Variants in PTPN4 observed in about 807,000 individuals in gnomAD.
PTPN4 encodes the protein tyrosine-protein phosphatase non-receptor type 4.
PTPN4 carries 49 observed loss-of-function variants against 135.5 expected under a neutral mutation model. That is an observed-to-expected ratio of 0.36 (90% CI 0.29 to 0.46). The LOEUF is 0.46. Ranked by LOEUF, PTPN4 falls within the 20% of genes least tolerant of loss-of-function variation. The pLI, the probability that PTPN4 is intolerant of heterozygous loss-of-function variation, is 1.00. For missense variants in PTPN4, 860 were observed against 1,101.0 expected, an observed-to-expected ratio of 0.78 and a Z score of 3.10; for synonymous variants, 333 against 369.9, an observed-to-expected ratio of 0.90 and a Z score of 1.14.
chr2:119,884,201 A>G (rs1678122042), intron 8 of PTPN4, among the ~76,000 whole-genome samples: 1 of 152,206 alleles, frequency 6.6e-6, no homozygotes, highest in East Asian at 1.9e-4. Flanking sequence ...CCCAGCCCCT[A>G]TTGCCTATTT....
intron 1 of PTPN4, among the ~76,000 whole-genome samples, chr2:119,764,559 G>A (rs1482212794): frequency 1.3e-5 from 2 of 151,834 alleles, no homozygotes; most frequent in African/African-American, 4.8e-5. Context: ...CCACTCACAA[G>A]GATCAGTTAA....
chr2:119,766,449 C>CGCTCGTGT (rs1209819421), intron 1 of PTPN4, among the ~76,000 whole-genome samples: 14 of 130,996 alleles, frequency 1.1e-4, no homozygotes, highest in African/African-American at 4.1e-4. Flanking sequence ...CATGTGCGCG[C>CGCTCGTGT]GTGTGTGTGT....
intron 8 of PTPN4, among the ~76,000 whole-genome samples, chr2:119,885,328 A>G (rs1050500872): frequency 7.2e-5 from 11 of 152,180 alleles, no homozygotes; most frequent in Non-Finnish European, 1.2e-4. Flanking sequence ...GCAGATTGCT[A>G]TACAAGCCTC....
At chr2:119,798,521 A>C (rs1463101283) in intron 1 of PTPN4, among the ~76,000 whole-genome samples, 1 of 152,190 alleles carries the variant, frequency 6.6e-6, no homozygotes, top group East Asian at 1.9e-4. Context: ...ATTTTATTTG[A>C]TCTTCTTTCC....
At chr2:119,918,768 C>A (rs145109147) in intron 11 of PTPN4, among the ~76,000 whole-genome samples, 152 of 152,266 alleles carry the variant, frequency 1.0e-3, no homozygotes, top group African/African-American at 3.4e-3. Context: ...TATGTGTACA[C>A]CAGAGAACAT....
intron 26 of PTPN4, among the ~76,000 whole-genome samples, chr2:119,969,324 T>G (rs1679492801): frequency 6.6e-6 from 1 of 152,098 alleles, no homozygotes; most frequent in Non-Finnish European, 1.5e-5. Context: ...GGTTTTTAAT[T>G]ACAGAAAATT....
intron 9 of PTPN4, among the ~76,000 whole-genome samples, chr2:119,899,537 T>A (rs926214916): frequency 6.6e-6 from 1 of 152,176 alleles, no homozygotes; most frequent in Non-Finnish European, 1.5e-5. Flanking sequence ...GTTCATATGT[T>A]ATAGATTGTT....
At chr2:119,851,643 G>A (rs891221847) in intron 2 of PTPN4, among the ~76,000 whole-genome samples, 1 of 152,164 alleles carries the variant, frequency 6.6e-6, no homozygotes, top group African/African-American at 2.4e-5. Context: ...GGAAAGCCAG[G>A]CTCTGCTATT....
At chr2:119,947,875 G>A (rs1679159607) in intron 18 of PTPN4, among the ~76,000 whole-genome samples, 1 of 151,818 alleles carries the variant, frequency 6.6e-6, no homozygotes, top group Non-Finnish European at 1.5e-5. Flanking sequence ...CATGTAGTAG[G>A]ATGTGACTAC....
Position 119,882,519 on chromosome 2 carries a change from C to T in PTPN4, c.483C>T (p.Tyr161=), listed in dbSNP as rs922508880. ...CATTATTAGCTGAACTTGGAGACTACGATCAGTCAGAGAACTTGTCAGGCT... is the reference window on the plus strand; with the variant it reads ...CATTATTAGCTGAACTTGGAGACTATGATCAGTCAGAGAACTTGTCAGGCT... ...SFAVQSELGD[Y]DQSENLSGYL... is the part of the protein sequence containing the mutation. The change falls in exon 8 of 27, where the codon TAC becomes TAT. Residue 161 remains tyrosine (Y), a synonymous_variant. Transcript: ENST00000263708. The T allele has an allele frequency of 1.7e-5, 26 of 1,533,062 alleles. No homozygotes were observed. Among genetic ancestry groups the T allele is most frequent in the African/African-American group, 4.1e-5 (3 of 72,362 alleles). 95.0% of individuals were successfully genotyped at this position (1,533,062 alleles called of 1,614,324 possible).
At chr2:119,767,157 G>A (rs1171222642) in intron 1 of PTPN4, among the ~76,000 whole-genome samples, 3 of 152,126 alleles carry the variant, frequency 2.0e-5, no homozygotes, top group Non-Finnish European at 2.9e-5. Context: ...GCTCAGTAAG[G>A]CCTTTTCCAG....
intron 12 of PTPN4, among the ~76,000 whole-genome samples, chr2:119,926,229 A>G (rs2105033034): frequency 6.6e-6 from 1 of 152,326 alleles, no homozygotes; most frequent in Non-Finnish European, 1.5e-5. Flanking sequence ...TGTACTTCAG[A>G]AGAAGATCAG....
At chr2:119,961,092 C>T in intron 23 of PTPN4, 139 bp downstream of exon 23, 1 of 1,033,628 alleles carries the variant, frequency 9.7e-7, no homozygotes, top group Non-Finnish European at 1.4e-6. Context: ...TTTAAATCAT[C>T]ATGTTTAAGT....
At chr2:119,942,953 C>A (rs1679080978) in intron 15 of PTPN4, among the ~76,000 whole-genome samples, 1 of 152,184 alleles carries the variant, frequency 6.6e-6, no homozygotes, top group South Asian at 2.1e-4. Flanking sequence ...AGGCAGACCT[C>A]AATGAAGCTT....
At chr2:119,955,350 G>A in intron 20 of PTPN4, 27 bp downstream of exon 20, 1 of 1,495,508 alleles carries the variant, frequency 6.7e-7, no homozygotes, top group Non-Finnish European at 8.9e-7. Context: ...TATATTAAAA[G>A]CATTTTGCTG....
chr2:119,765,186 CAG>C (rs1690590232), intron 1 of PTPN4, among the ~76,000 whole-genome samples: 1 of 152,132 alleles, frequency 6.6e-6, no homozygotes, highest in Non-Finnish European at 1.5e-5. Flanking sequence ...GATGATCAGT[CAG>C]TGATAGTTGG....
At chr2:119,933,948 CACAA>C (rs1429334030) in intron 14 of PTPN4, among the ~76,000 whole-genome samples, 1 of 152,142 alleles carries the variant, frequency 6.6e-6, no homozygotes, top group Non-Finnish European at 1.5e-5. Context: ...TTCCCTTTTG[CACAA>C]ACAGCCATTT....
At chr2:119,825,390 TG>T (rs1677131737) in intron 2 of PTPN4, among the ~76,000 whole-genome samples, 1 of 152,060 alleles carries the variant, frequency 6.6e-6, no homozygotes, top group South Asian at 2.1e-4. Context: ...AACAATGTGG[TG>T]GGGCAGTTAC....
chr2:119,892,751 T>G (rs1678260179), intron 9 of PTPN4, among the ~76,000 whole-genome samples: 1 of 151,916 alleles, frequency 6.6e-6, no homozygotes. Context: ...AGGCAGAGTC[T>G]TGCTCTGTCA....
Sources: allele counts gnomAD v4.1 joint callset (sites outside exome capture counted in the v4.1 genomes callset), GRCh38; gene constraint gnomAD v4.1.1; transcripts MANE v1.5; gene names NCBI Gene and HGNC (gene_info 2026-07-23, HGNC 2026-07-21).